Variants in HMGN2 observed in about 807,000 individuals in gnomAD.
HMGN2 encodes high mobility group nucleosomal binding domain 2.
In HMGN2, 2 loss-of-function variants were observed where a neutral mutation model predicts 16.9. That is an observed-to-expected ratio of 0.12 (90% CI 0.05 to 0.37). The LOEUF (loss-of-function observed/expected upper bound fraction) is 0.37, where lower values mean the gene tolerates loss of function less well. HMGN2 is among the 10% of genes least tolerant of loss of function. The pLI, the probability that HMGN2 is intolerant of heterozygous loss-of-function variation, is 1.00. For synonymous variants in HMGN2, 31 were observed against 34.9 expected (o/e 0.89, Z 0.39); for missense variants, 90 against 106.0 (o/e 0.85, Z 0.66).
At chr1:26,474,917 C>A (rs755312177) in intron 5 of HMGN2, 196 bp from the exon 6 acceptor site, 2 of 611,664 alleles carry the variant, frequency 3.3e-6, no homozygotes, top group Non-Finnish European at 5.8e-6. Context: ...GTTCTTCCTA[C>A]CTCAATTTTA....
chr1:26,473,909 G>A (rs1406768115), intron 3 of HMGN2, 176 bp from the exon 4 acceptor site: 6 of 794,910 alleles, frequency 7.5e-6, no homozygotes, highest in Middle Eastern at 4.6e-4. Flanking sequence ...TGTAGCCAAA[G>A]TGGGACATTT....
intron 1 of HMGN2, 93 bp from the exon 2 acceptor site, chr1:26,473,390 A>T: frequency 1.1e-6 from 1 of 905,844 alleles, no homozygotes; most frequent in Non-Finnish European, 1.8e-6. Flanking sequence ...TGTGTGGACG[A>T]CTGCTTTAAT....
chr1:26,474,216 C>T (rs1269169783), intron 4 of HMGN2, 81 bp downstream of exon 4: 9 of 1,012,762 alleles, frequency 8.9e-6, no homozygotes, highest in African/African-American at 3.2e-5. Flanking sequence ...CATAATGGTG[C>T]CTCCATTAAT....
rs1394309951 is a variant in HMGN2 at position 26,474,896 on chromosome 1, C to T, written c.238-217C>T. ...TCAAGCTAGGAGTAACCTCAGGTCT[C>T]TTATTCTGGTGTTCTTCCTACCTCA... On this transcript the variant is annotated intron_variant, in intron 5 of 5. Transcript: ENST00000361427. The T allele has an allele frequency of 2.0e-5, 12 of 608,346 alleles. No individual in the cohort carries two copies. The South Asian group carries it at 2.2e-4, about 11-fold the overall frequency. 37.7% of individuals were successfully genotyped at this position (608,346 alleles called of 1,614,324 possible).
At chr1:26,473,886 A>G (rs1213142707) in intron 3 of HMGN2, 154 bp downstream of exon 3, 1 of 848,552 alleles carries the variant, frequency 1.2e-6, no homozygotes, top group Non-Finnish European at 1.9e-6. Context: ...GCTGGTTCTG[A>G]AATTCTGATG....
chr1:26,473,631 A>G (rs1309335604), intron 2 of HMGN2, 72 bp from the exon 3 acceptor site: 2 of 1,572,230 alleles, frequency 1.3e-6, no homozygotes, highest in Non-Finnish European at 1.8e-6. Context: ...CCTATAATCT[A>G]GAGCAAATTG....
chr1:26,474,317 A>C (rs1412702773), intron 4 of HMGN2, among the ~76,000 whole-genome samples, 182 bp downstream of exon 4: 1 of 152,222 alleles, frequency 6.6e-6, no homozygotes. Flanking sequence ...AGTTTATAGG[A>C]AAATCTGCAT....
chr1:26,473,622 C>A, intron 2 of HMGN2, 81 bp from the exon 3 acceptor site: 1 of 1,557,632 alleles, frequency 6.4e-7, no homozygotes, highest in Non-Finnish European at 8.9e-7. Flanking sequence ...ATTTACACTC[C>A]TATAATCTAG....
Position 26,474,126 on chromosome 1 carries a change from C to T in HMGN2, c.132C>T (p.Ala44=), listed in dbSNP as rs753428509. 5 of 1,608,406 alleles carry T rather than the reference C, an allele frequency of 3.1e-6. No homozygotes were observed. The highest frequency in any genetic ancestry group is 2.2e-5 in the East Asian group (1 of 44,862). ...AGCCAGAGCCCAAGCCTAAAAAGGC[C>T]CCTGCAAAGGTAAGTGCTAACATTG... The part of the protein sequence containing the change: ...PPKPEPKPKK[A]PAKKGEKVPK... The change falls in exon 4 of 6, where the codon GCC becomes GCT. Residue 44 remains alanine (A), a synonymous_variant. Coordinates refer to ENST00000361427, the MANE Select transcript of HMGN2 (RefSeq NM_005517.4).
chr1:26,474,566 T>G lies in HMGN2; in HGVS notation c.142-6T>G. 1 of 1,458,650 alleles carries G rather than the reference T, an allele frequency of 6.9e-7. No homozygotes were observed. The highest frequency in any genetic ancestry group is 9.6e-7 in the Non-Finnish European group (1 of 1,042,884). 90.4% of individuals were successfully genotyped at this position (1,458,650 alleles called of 1,614,324 possible). ...AGAAACAGTTCTATTTTTTCCCCTT[T>G]TTCAGAAGGGAGAGAAGGTACCCAA... On this transcript the variant is annotated splice_region_variant and splice_polypyrimidine_tract_variant and intron_variant, in intron 4 of 5. Coordinates refer to ENST00000361427, the MANE Select transcript of HMGN2 (RefSeq NM_005517.4).
In HMGN2 at chr1:26,475,735, TAAAC is replaced by T. The variant is rs2124571938; in HGVS notation, c.*590_*593del. 4.3e-5 allele frequency: 14 copies of T among 324,364 alleles called. No homozygotes were observed. The highest frequency in any genetic ancestry group is 3.3e-4 in the South Asian group (14 of 42,426). 20.1% of individuals were successfully genotyped at this position (324,364 alleles called of 1,614,324 possible). On this transcript the variant is annotated 3_prime_UTR_variant, in exon 6 of 6. Coordinates refer to ENST00000361427, the MANE Select transcript of HMGN2 (RefSeq NM_005517.4). ...TCAGGGTCGGCTTGTGAAAAGTTGT[TAAAC>T]AACATGCTAAATGTGAAATGTCAAC...
At position 26,473,808 on chromosome 1, in the gene HMGN2, A is replaced by G. The variant is rs1479124668; in HGVS notation, c.90+76A>G. 2.4e-5 allele frequency: 34 copies of G among 1,426,400 alleles called. No homozygotes were observed. In the Middle Eastern group the frequency reaches 8.8e-4, roughly 37 times the overall value. 88.4% of individuals were successfully genotyped at this position (1,426,400 alleles called of 1,614,324 possible). ...TCAAAAAACAATTCCCTTTGCTTCC[A>G]TGAATTATGGTTAGTGCCTGGTTTT... On this transcript the variant is annotated intron_variant, in intron 3 of 5. Coordinates refer to ENST00000361427, the MANE Select transcript of HMGN2 (RefSeq NM_005517.4).
Position 26,472,487 on chromosome 1 carries a change from T to C in HMGN2, c.-126T>C. On this transcript the variant is annotated 5_prime_UTR_variant, in exon 1 of 6. Coordinates refer to ENST00000361427, the MANE Select transcript of HMGN2 (RefSeq NM_005517.4). ...GGGGCTCCCAGCGCTATAAAAACTT[T>C]ATAAACCCCCCGGAGCCCGAGCAGT... 2 of 1,211,428 alleles carry C rather than the reference T, an allele frequency of 1.7e-6. No homozygotes were observed. The highest frequency in any genetic ancestry group is 2.0e-5 in the Admixed American group (1 of 49,300). The allele number at this position is 1,211,428 out of a possible 1,614,324, so 75.0% of individuals were successfully genotyped here.
Position 26,474,088 on chromosome 1 carries a change from C to A in HMGN2, c.94C>A (p.Pro32Thr). The A allele has an allele frequency of 1.2e-6, 2 of 1,611,228 alleles. No homozygotes were observed. Among genetic ancestry groups the A allele is most frequent in the Non-Finnish European group, 1.7e-6 (2 of 1,179,140 alleles). The change falls in exon 4 of 6, where the codon CCT becomes ACT. Residue 32 changes from proline (P) to threonine (T), a missense_variant. Transcript: ENST00000361427. ...CCTCTCTTCCTGCCAAAAAAAGAAA[C>A]CTGCTCCTCCAAAGCCAGAGCCCAA... Reference protein sequence around the residue: ...QRRSARLSAKPAPPKPEPKPK... With the variant: ...QRRSARLSAKTAPPKPEPKPK...
In HMGN2 at chr1:26,475,264, A is replaced by G. The variant is rs1390072922; in HGVS notation, c.*116A>G. The stretch of plus-strand genomic sequence containing the variant: ...TGTTTTACTTTTTTTTTTTTTTTAA[A>G]AGCTATGTTGTTAGCACACAGAACA... On this transcript the variant is annotated 3_prime_UTR_variant, in exon 6 of 6. Coordinates refer to ENST00000361427, the MANE Select transcript of HMGN2 (RefSeq NM_005517.4). 1 of 688,586 alleles carries G rather than the reference A, an allele frequency of 1.5e-6. No homozygotes were observed. The highest frequency in any genetic ancestry group is 2.4e-6 in the Non-Finnish European group (1 of 409,662). The allele number at this position is 688,586 out of a possible 1,614,324, so 42.7% of individuals were successfully genotyped here. A position where few individuals can be genotyped will look rare whatever the true frequency, so the allele number is the denominator to read the frequency against.
In HMGN2 at chr1:26,474,564, T is replaced by A. The variant is rs200682577; in HGVS notation, c.142-8T>A. 4.3e-4 allele frequency: 624 copies of A among 1,436,904 alleles called. 2 individuals carry two copies. The highest frequency in any genetic ancestry group is 5.8e-4 in the Non-Finnish European group (594 of 1,023,750). The allele number at this position is 1,436,904 out of a possible 1,614,324, so 89.0% of individuals were successfully genotyped here. On this transcript the variant is annotated splice_region_variant and splice_polypyrimidine_tract_variant and intron_variant, in intron 4 of 5. Transcript: ENST00000361427. ...GGAGAAACAGTTCTATTTTTTCCCC[T>A]TTTTCAGAAGGGAGAGAAGGTACCC... is the stretch of plus-strand genomic sequence containing the variant.
intron 1 of HMGN2, 184 bp from the exon 2 acceptor site, chr1:26,473,299 C>T (rs1024346195): frequency 3.3e-6 from 2 of 600,042 alleles, no homozygotes; most frequent in Non-Finnish European, 5.9e-6. Flanking sequence ...CCTCGCTTCT[C>T]GGGGTCGGCG....
rs1018013045 is a variant in HMGN2, at chr1:26,472,644, C to T, written c.15+17C>T. ...AAGAGAAAGGTACGTGGCGCGAGGG[C>T]CCCAGGCGCCGGGCCACCACTGCCG... On this transcript the variant is annotated intron_variant, in intron 1 of 5. Coordinates refer to ENST00000361427, the MANE Select transcript of HMGN2 (RefSeq NM_005517.4). The T allele has an allele frequency of 9.2e-6, 14 of 1,527,770 alleles. No individual in the cohort carries two copies. The Admixed American group carries it at 1.6e-4, about 17-fold the overall frequency. 94.6% of individuals were successfully genotyped at this position (1,527,770 alleles called of 1,614,324 possible). A position where few individuals can be genotyped will look rare whatever the true frequency, so the allele number is the denominator to read the frequency against.
At chr1:26,472,736 C>T (rs3127008) in intron 1 of HMGN2, 109 bp downstream of exon 1, 24 of 1,004,842 alleles carry the variant, frequency 2.4e-5, no homozygotes, top group East Asian at 5.9e-5. Flanking sequence ...CCAGCGCAGC[C>T]TCCCCGCGCG....
Sources: allele counts gnomAD v4.1 joint callset (sites outside exome capture counted in the v4.1 genomes callset), GRCh38; gene constraint gnomAD v4.1.1; transcripts MANE v1.5; gene names NCBI Gene and HGNC (gene_info 2026-07-23, HGNC 2026-07-21).